Variants in KCNH6 observed in about 807,000 individuals in gnomAD.
KCNH6 encodes potassium voltage-gated channel subfamily H member 6.
A neutral mutation model predicts 83.4 loss-of-function variants in KCNH6; 81 were observed. The ratio of observed to expected loss-of-function variants is 0.97; its 90% CI spans 0.81 to 1.17. The LOEUF is 1.17. KCNH6 is among the 50% of genes most tolerant of loss of function. The pLI, the probability that KCNH6 is intolerant of heterozygous loss-of-function variation, is 0.00. For missense variants in KCNH6, 1,203 were observed against 1,290.5 expected (o/e 0.93, Z 1.04); for synonymous variants, 503 against 545.6 (o/e 0.92, Z 1.09).
intron 4 of KCNH6, among the ~76,000 whole-genome samples, chr17:63,531,603 C>G (rs78292165): frequency 0.032 from 4,812 of 152,328 alleles, 268 homozygotes; most frequent in African/African-American, 0.11. Context: ...ACCTCACTGA[C>G]CTCAAGGATC....
rs2032231019 is a variant in KCNH6, at chr17:63,533,100, C to A, written c.676-786C>A. Among the ~76,000 whole-genome samples, 1 of 148,662 alleles carries A rather than the reference C, an allele frequency of 6.7e-6. No individual in the cohort carries two copies. Among genetic ancestry groups the A allele is most frequent in the Non-Finnish European group, 1.5e-5 (1 of 66,090 alleles). On this transcript the variant is annotated intron_variant, in intron 4 of 12. Transcript: ENST00000314672. The surrounding 1 kb of genome is among the most constrained non-coding windows in gnomAD (Gnocchi z 4.1). ...CCTGGCTTCAGTACCCATGCCCTTC[C>A]TAATGCCCTGGCTGTCTCTCATGTT...
At chr17:63,536,927 T>C (rs1244646626) in intron 6 of KCNH6, among the ~76,000 whole-genome samples, 1 of 117,086 alleles carries the variant, frequency 8.5e-6, no homozygotes, top group Admixed American at 1.3e-4. Context: ...CACTCCAGCC[T>C]GGGAGACAGA....
rs1211247840 is a variant in KCNH6, at chr17:63,534,190, A to G, written c.980A>G (p.Asn327Ser). Residue 327 changes from asparagine to serine, a missense_variant, in exon 5 of 13, where the codon AAT (asparagine) becomes AGT (serine). By Grantham distance (46) the Asn-to-Ser change is conservative. Transcript: ENST00000314672. This position sits in a 1 kb window ranked among gnomAD's most constrained non-coding sequence, Gnocchi z 5.0. ...INFRTTYVNT[N>S]DEVVSHPRRI... Reference sequence around the variant, plus strand: ...TTCCGCACCACCTATGTCAACACCAATGATGAGGTGGTCAGCCACCCCCGC... The same window carrying G: ...TTCCGCACCACCTATGTCAACACCAGTGATGAGGTGGTCAGCCACCCCCGC... 1.4e-5 allele frequency: 22 copies of G among 1,613,612 alleles called. No individual in the cohort carries two copies. The highest frequency in any genetic ancestry group is 1.7e-5 in the Non-Finnish European group (20 of 1,179,912).
chr17:63,528,788 G>T (rs1412651304), intron 2 of KCNH6, among the ~76,000 whole-genome samples: 4 of 152,174 alleles, frequency 2.6e-5, no homozygotes, highest in African/African-American at 9.7e-5. Context: ...TGGAGAGGGT[G>T]CTCGTGGGGT....
At chr17:63,542,591 T>A (rs2032930089) in intron 9 of KCNH6, among the ~76,000 whole-genome samples, 157 bp downstream of exon 9, 2 of 152,218 alleles carry the variant, frequency 1.3e-5, no homozygotes, top group Admixed American at 1.3e-4. Flanking sequence ...TCATGCTAAG[T>A]ATGAGGATAG....
chr17:63,545,375 C>G lies in KCNH6; in HGVS notation c.2583+111C>G, dbSNP rs548887206. The G allele has an allele frequency of 1.3e-5, 15 of 1,192,402 alleles. No individual in the cohort carries two copies. The East Asian group carries it at 3.7e-4, about 29-fold the overall frequency. The allele number at this position is 1,192,402 out of a possible 1,614,324, so 73.9% of individuals were successfully genotyped here. On this transcript the variant is annotated intron_variant, in intron 12 of 12. Transcript: ENST00000314672. ...GCCCAGAGCCTCTGTGGCCCCAGAG[C>G]AGCCAGGGCTTCTGCTTACCTCCTT...
chr17:63,524,842 G>T (rs1375470210), intron 2 of KCNH6, among the ~76,000 whole-genome samples: 1 of 152,178 alleles, frequency 6.6e-6, no homozygotes, highest in Non-Finnish European at 1.5e-5. Context: ...GGGGAGACAG[G>T]GTCTGGAGTT....
downstream of KCNH6, chr17:63,548,753 G>A (rs372072105): frequency 4.6e-5 from 7 of 152,116 alleles, no homozygotes; most frequent in South Asian, 2.1e-4. Flanking sequence ...AATTTTGTAC[G>A]TCTTTTTCTT....
At position 63,534,225 on chromosome 17, in the gene KCNH6, G is replaced by A. The variant is rs199890747; in HGVS notation, c.1015G>A (p.Val339Ile). The change falls in exon 5 of 13, where the codon GTC becomes ATC. Residue 339 changes from valine to isoleucine, a missense_variant. By Grantham distance (29) the Val-to-Ile change is conservative (BLOSUM62 3). Transcript: ENST00000314672. This position sits in a 1 kb window ranked among gnomAD's most constrained non-coding sequence, Gnocchi z 5.0. ...GGTCAGCCACCCCCGCCGCATCGCC[G>A]TCCACTACTTCAAGGGCTGGTTCCT... ...EVVSHPRRIA[V>I]HYFKGWFLID... 3.5e-5 allele frequency: 56 copies of A among 1,614,004 alleles called. No individual in the cohort carries two copies. Among genetic ancestry groups the A allele is most frequent in the Middle Eastern group, 1.6e-4 (1 of 6,084 alleles).
chr17:63,543,166 C>T (rs1429310330), intron 9 of KCNH6, among the ~76,000 whole-genome samples: 3 of 152,210 alleles, frequency 2.0e-5, no homozygotes, highest in African/African-American at 7.2e-5. Context: ...GCCCCTCCAC[C>T]TTGGGGGAGG....
chr17:63,534,303 T>C lies in KCNH6; in HGVS notation c.1093T>C (p.Ser365Pro). ...CGACCTCCTGATCTTCCGCACTGGC[T>C]CCGATGAGGTGAGCAGACCCCCTCC... ...PFDLLIFRTG[S>P]DETTTLIGLL... The change falls in exon 5 of 13, where the codon TCC becomes CCC. Residue 365 changes from serine to proline, a missense_variant. Physicochemically the swap from Ser to Pro is moderately conservative, Grantham distance 74 (BLOSUM62 -1). Transcript: ENST00000314672. The surrounding 1 kb of genome is among the most constrained non-coding windows in gnomAD (Gnocchi z 5.0). The C allele has an allele frequency of 1.2e-6, 2 of 1,611,020 alleles. No individual in the cohort carries two copies. Among genetic ancestry groups the C allele is most frequent in the Non-Finnish European group, 1.7e-6 (2 of 1,178,272 alleles).
chr17:63,538,113 G>T lies in KCNH6; in HGVS notation c.1550G>T (p.Arg517Leu). Residue 517 changes from arginine (R) to leucine (L), a missense_variant, in exon 7 of 13, where the codon CGC (arginine) becomes CTC (leucine). By Grantham distance (102) the Arg-to-Leu change is moderately radical. Coordinates refer to ENST00000314672, the MANE Select transcript of KCNH6 (RefSeq NM_001278919.2). This position sits in a 1 kb window ranked among gnomAD's most constrained non-coding sequence, Gnocchi z 4.0. ...GGGAACGTGTCCGCGATCATCCAGC[G>T]CCTGTACTCGGGCACCGCGCGCTAC... is the stretch of plus-strand genomic sequence containing the variant. The part of the protein sequence containing the change: ...IFGNVSAIIQ[R>L]LYSGTARYHT... 1 of 1,614,026 alleles carries T rather than the reference G, an allele frequency of 6.2e-7. No homozygotes were observed. The highest frequency in any genetic ancestry group is 8.5e-7 in the Non-Finnish European group (1 of 1,180,018).
intron 11 of KCNH6, 25 bp from the exon 12 acceptor site, chr17:63,545,053 C>T (rs750998549): frequency 6.2e-7 from 1 of 1,608,928 alleles, no homozygotes; most frequent in Non-Finnish European, 8.5e-7. Context: ...AGCCCTGACC[C>T]TGACTGTGGG....
chr17:63,542,379 C>A lies in KCNH6; in HGVS notation c.2093C>A (p.Pro698Gln). 2 of 1,614,188 alleles carry A rather than the reference C, an allele frequency of 1.2e-6. No individual in the cohort carries two copies. Among genetic ancestry groups the A allele is most frequent in the South Asian group, 1.1e-5 (1 of 91,092 alleles). The change falls in exon 9 of 13, where the codon CCG (proline) becomes CAG (glutamine). Residue 698 changes from proline to glutamine, a missense_variant. Transcript: ENST00000314672. ...ADLLEVLDMY[P>Q]AFAESFWSKL... ...CTGCTGGAGGTGCTGGACATGTACC[C>A]GGCCTTTGCGGAGAGCTTCTGGAGT...
At position 63,545,928 on chromosome 17, in the gene KCNH6, G is replaced by A. The variant is rs1225086557; in HGVS notation, c.*26G>A. ...ACTCCAAGATAAAGACACCATGAGGGGACTGAAGGTGGGCAAGGTGAGAGT... is the reference window on the plus strand; with the variant it reads ...ACTCCAAGATAAAGACACCATGAGGAGACTGAAGGTGGGCAAGGTGAGAGT... On this transcript the variant is annotated 3_prime_UTR_variant, in exon 13 of 13. Coordinates refer to ENST00000314672, the MANE Select transcript of KCNH6 (RefSeq NM_001278919.2). 1.2e-6 allele frequency: 2 copies of A among 1,606,212 alleles called. No homozygotes were observed. The highest frequency in any genetic ancestry group is 1.7e-6 in the Non-Finnish European group (2 of 1,175,014).
At chr17:63,545,031 ACTACTTTTGCCAGCC>A in intron 11 of KCNH6, 32 bp from the exon 12 acceptor site, 2 of 1,584,926 alleles carry the variant, frequency 1.3e-6, no homozygotes, top group Non-Finnish European at 1.7e-6. Context: ...GCCCTCAGGA[ACTACTTTTGCCAGCC>A]CTGACCCTGA....
chr17:63,531,926 CAG>C (rs1255884775), intron 4 of KCNH6, among the ~76,000 whole-genome samples: 1 of 152,202 alleles, frequency 6.6e-6, no homozygotes, highest in Non-Finnish European at 1.5e-5. Context: ...TGACAGATCT[CAG>C]GGGAAAGAGC....
chr17:63,538,479 C>A lies in KCNH6; in HGVS notation c.1771C>A (p.His591Asn), dbSNP rs369688973. ...GCACCTGCACCGCGCACTGCTGCAG[C>A]ACTGCCCAGCTTTCAGCGGCGCCGG... The part of the protein sequence containing the change: ...CLHLHRALLQ[H>N]CPAFSGAGKG... The change falls in exon 8 of 13, where the codon CAC (histidine) becomes AAC (asparagine). Residue 591 changes from histidine (H) to asparagine (N), a missense_variant. Coordinates refer to ENST00000314672, the MANE Select transcript of KCNH6 (RefSeq NM_001278919.2). The surrounding 1 kb of genome is among the most constrained non-coding windows in gnomAD (Gnocchi z 4.0). 329 of 1,604,356 alleles carry A rather than the reference C, an allele frequency of 2.1e-4. 1 individual carries two copies. Among genetic ancestry groups the A allele is most frequent in the Admixed American group, 5.4e-4 (32 of 58,836 alleles).
chr17:63,538,505 C>T lies in KCNH6; in HGVS notation c.1797C>T (p.Gly599=). ...LQHCPAFSGA[G]KGCLRALAVK... Reference sequence around the variant, plus strand: ...ACTGCCCAGCTTTCAGCGGCGCCGGCAAGGGCTGCCTGCGCGCGCTAGCCG... The same window carrying T: ...ACTGCCCAGCTTTCAGCGGCGCCGGTAAGGGCTGCCTGCGCGCGCTAGCCG... Residue 599 remains glycine, a synonymous_variant, in exon 8 of 13, where the codon GGC becomes GGT. Transcript: ENST00000314672. The surrounding 1 kb of genome is among the most constrained non-coding windows in gnomAD (Gnocchi z 4.0). 1 of 1,603,096 alleles carries T rather than the reference C, an allele frequency of 6.2e-7. No individual in the cohort carries two copies. The highest frequency in any genetic ancestry group is 1.1e-5 in the South Asian group (1 of 89,852).
Sources: gnomAD v4.1 joint callset for allele counts (sites outside exome capture counted in the v4.1 genomes callset) on GRCh38, gnomAD v4.1.1 for gene constraint, Gnocchi (gnomAD v3.1) non-coding constraint, MANE v1.5 for transcripts, NCBI Gene and HGNC (gene_info 2026-07-23, HGNC 2026-07-21) for gene names.